Variants in CSMD3 observed in about 807,000 individuals in gnomAD.
CSMD3 encodes the protein CUB and Sushi multiple domains 3.
A neutral mutation model predicts 435.2 loss-of-function variants in CSMD3; 177 were observed. That is an observed-to-expected ratio of 0.41 (90% CI 0.36 to 0.46). CSMD3 has a LOEUF of 0.46. Ranked by LOEUF, CSMD3 falls within the 20% of genes least tolerant of loss-of-function variation. The pLI, the probability that CSMD3 is intolerant of heterozygous loss-of-function variation, is 0.34. For missense variants in CSMD3, 4,265 were observed against 4,504.6 expected (o/e 0.95, Z 1.52); for synonymous variants, 1,656 against 1,520.5 (o/e 1.09, Z -2.07).
At chr8:112,982,006 G>A (rs1407860265) in intron 6 of CSMD3, among the ~76,000 whole-genome samples, 4 of 151,664 alleles carry the variant, frequency 2.6e-5, no homozygotes, top group African/African-American at 4.8e-5. Flanking sequence ...CTAGAGAAAA[G>A]CTATTTTAAA....
chr8:112,920,977 G>T (rs145578915), intron 10 of CSMD3, among the ~76,000 whole-genome samples: 1 of 87,788 alleles, frequency 1.1e-5, no homozygotes, highest in Non-Finnish European at 2.4e-5. Flanking sequence ...ATATATATAT[G>T]TACACACATA....
chr8:112,692,261 T>A (rs1041970076), intron 13 of CSMD3, among the ~76,000 whole-genome samples: 4 of 152,242 alleles, frequency 2.6e-5, no homozygotes, highest in Admixed American at 2.0e-4. Flanking sequence ...TCTTATTTAT[T>A]AAAAAATAAA....
intron 10 of CSMD3, among the ~76,000 whole-genome samples, chr8:112,876,351 C>G (rs2081281417): frequency 7.2e-6 from 1 of 138,140 alleles, no homozygotes; most frequent in South Asian, 2.4e-4. Flanking sequence ...CATCCTGATA[C>G]CAAAACCTGG....
At chr8:113,109,842 C>T (rs1015339727) in intron 4 of CSMD3, among the ~76,000 whole-genome samples, 6 of 152,188 alleles carry the variant, frequency 3.9e-5, no homozygotes, top group Admixed American at 6.5e-5. Context: ...CTGAGTTCCA[C>T]AGCTTTCTTT....
At chr8:113,319,266 C>T (rs1417719955) in intron 1 of CSMD3, among the ~76,000 whole-genome samples, 1 of 151,930 alleles carries the variant, frequency 6.6e-6, no homozygotes, top group Non-Finnish European at 1.5e-5. Context: ...GGGAGTAAGG[C>T]AATATCTTAT....
At chr8:113,358,072 A>T (rs1260928277) in intron 1 of CSMD3, among the ~76,000 whole-genome samples, 1 of 152,210 alleles carries the variant, frequency 6.6e-6, no homozygotes, top group Non-Finnish European at 1.5e-5. Flanking sequence ...AACATCACAA[A>T]TCTAGTTAAT....
At chr8:113,039,449 A>C (rs1031323758) in intron 5 of CSMD3, among the ~76,000 whole-genome samples, 2 of 152,190 alleles carry the variant, frequency 1.3e-5, no homozygotes, top group African/African-American at 4.8e-5. Context: ...ATATATTCAC[A>C]ACAGACACAA....
At chr8:112,939,113 A>G in intron 9 of CSMD3, among the ~76,000 whole-genome samples, 1 of 152,184 alleles carries the variant, frequency 6.6e-6, no homozygotes, top group East Asian at 1.9e-4. Flanking sequence ...TTTAAAAGTG[A>G]GGAATCCTTT....
intron 1 of CSMD3, among the ~76,000 whole-genome samples, chr8:113,428,727 GT>G (rs1481021540): frequency 6.6e-6 from 1 of 151,826 alleles, no homozygotes; most frequent in African/African-American, 2.4e-5. Flanking sequence ...TCTCTACATA[GT>G]AAATAACTCT....
intron 45 of CSMD3, among the ~76,000 whole-genome samples, chr8:112,323,664 T>C (rs879550114): frequency 1.5e-4 from 23 of 152,056 alleles, no homozygotes; most frequent in Admixed American, 6.6e-4. Context: ...TGTGGTACTT[T>C]GTTTCAGCAG....
intron 38 of CSMD3, among the ~76,000 whole-genome samples, chr8:112,377,707 A>C (rs1306742747): frequency 6.6e-6 from 1 of 152,102 alleles, no homozygotes; most frequent in Non-Finnish European, 1.5e-5. Context: ...GAAATCAATA[A>C]ATGTGATATA....
chr8:113,098,661 T>C (rs979999808), intron 5 of CSMD3, 95 bp downstream of exon 5: 3 of 837,846 alleles, frequency 3.6e-6, no homozygotes, highest in African/African-American at 1.7e-5. Flanking sequence ...ATCTTTTAAA[T>C]ATCCAAACCT....
At chr8:112,478,560 G>A (rs1011598524) in intron 31 of CSMD3, among the ~76,000 whole-genome samples, 1 of 152,036 alleles carries the variant, frequency 6.6e-6, no homozygotes, top group Non-Finnish European at 1.5e-5. Context: ...CAAACTTAAA[G>A]TTAAGAGTGA....
chr8:112,884,266 T>C (rs954899662), intron 10 of CSMD3, among the ~76,000 whole-genome samples: 1 of 151,834 alleles, frequency 6.6e-6, no homozygotes, highest in Non-Finnish European at 1.5e-5. Flanking sequence ...ACTCTCAGTT[T>C]TACAAGTAGT....
chr8:113,177,707 C>T (rs2092366943), intron 3 of CSMD3, among the ~76,000 whole-genome samples: 1 of 151,860 alleles, frequency 6.6e-6, no homozygotes, highest in Admixed American at 6.6e-5. Context: ...ATGTCAGAGA[C>T]TCTTTATGTT....
At chr8:112,731,771 C>T (rs1023399705) in intron 13 of CSMD3, among the ~76,000 whole-genome samples, 1 of 151,950 alleles carries the variant, frequency 6.6e-6, no homozygotes, top group African/African-American at 2.4e-5. Flanking sequence ...GTAATATGCT[C>T]AATGAGTATT....
intron 4 of CSMD3, among the ~76,000 whole-genome samples, chr8:113,158,781 G>A (rs543737986): frequency 6.6e-6 from 1 of 151,712 alleles, no homozygotes; most frequent in Non-Finnish European, 1.5e-5. Flanking sequence ...GATATAGATA[G>A]ATGTACATGT....
At chr8:112,585,501 A>G (rs1386788738) in intron 23 of CSMD3, among the ~76,000 whole-genome samples, 1 of 151,470 alleles carries the variant, frequency 6.6e-6, no homozygotes, top group Non-Finnish European at 1.5e-5. Context: ...AAGGTAGCAC[A>G]TATCAGAAAT....
At chr8:112,362,469 A>C (rs1214482090) in intron 38 of CSMD3, among the ~76,000 whole-genome samples, 3 of 152,110 alleles carry the variant, frequency 2.0e-5, no homozygotes, top group Non-Finnish European at 2.9e-5. Flanking sequence ...ACTACTTATC[A>C]AATTTTAGTC....
Sources: gnomAD v4.1 joint callset for allele counts (sites outside exome capture counted in the v4.1 genomes callset) on GRCh38, gnomAD v4.1.1 for gene constraint, MANE v1.5 for transcripts, NCBI Gene and HGNC (gene_info 2026-07-23, HGNC 2026-07-21) for gene names.